Variants in RCC1L observed in about 807,000 individuals in gnomAD.
The protein encoded by RCC1L is RCC1-like G exchanging factor-like protein.
In RCC1L, 46 loss-of-function variants were observed where a neutral mutation model predicts 58.6. The ratio of observed to expected loss-of-function variants is 0.79; its 90% CI spans 0.62 to 1.00. RCC1L has a LOEUF of 1.00. Among genes scored for constraint, RCC1L ranks in the 50% least tolerant of loss-of-function variants. RCC1L has a pLI of 0.00. For missense variants in RCC1L, 636 were observed against 623.6 expected (o/e 1.02, Z -0.21); for synonymous variants, 281 against 262.9 (o/e 1.07, Z -0.67).
intron 6 of RCC1L, 145 bp from the exon 7 acceptor site, chr7:75,058,914 C>T (rs1034046776): frequency 9.2e-5 from 86 of 935,744 alleles, no homozygotes; most frequent in South Asian, 5.3e-4. Flanking sequence ...CAGTGGCTCA[C>T]GCCTGTAATC....
intron 10 of RCC1L, among the ~76,000 whole-genome samples, chr7:75,047,345 C>A (rs1805755820): frequency 6.6e-6 from 1 of 152,300 alleles, no homozygotes; most frequent in African/African-American, 2.4e-5. Context: ...TAGCTCACTG[C>A]AGCTTCCAAC....
chr7:75,061,348 C>G, intron 5 of RCC1L, 57 bp from the exon 6 acceptor site: 1 of 1,509,488 alleles, frequency 6.6e-7, no homozygotes, highest in Non-Finnish European at 9.2e-7. Context: ...CCCTGGTGTC[C>G]TCATCCAAAG....
Position 75,057,626 on chromosome 7 carries a change from A to G in RCC1L, c.970-10T>C. The stretch of plus-strand genomic sequence containing the variant: ...AGCGGGGCACATTCACCTGAACCAA[A>G]GAAAGGAGCCACACTGTTAGGAAAG... On this transcript the variant is annotated splice_polypyrimidine_tract_variant and intron_variant, in intron 7 of 10. Transcript: ENST00000610322. The G allele has an allele frequency of 1.2e-6, 2 of 1,613,812 alleles. No homozygotes were observed. The highest frequency in any genetic ancestry group is 3.3e-4 in the Middle Eastern group (2 of 6,056).
intron 9 of RCC1L, among the ~76,000 whole-genome samples, chr7:75,054,939 CCCAGG>C (rs1299833219): frequency 6.6e-6 from 1 of 152,212 alleles, no homozygotes; most frequent in Non-Finnish European, 1.5e-5. Flanking sequence ...GCCATAACAA[CCCAGG>C]CCTGCCTGTT....
At chr7:75,030,394 G>A (rs986394728) in intron 10 of RCC1L, among the ~76,000 whole-genome samples, 1 of 152,174 alleles carries the variant, frequency 6.6e-6, no homozygotes, top group Admixed American at 6.5e-5. Flanking sequence ...GGCAGGACTC[G>A]AATGCAGACC....
At chr7:75,037,958 G>A (rs1222643393), downstream of RCC1L, among the ~76,000 whole-genome samples, 3 of 152,202 alleles carry the variant, frequency 2.0e-5, no homozygotes, top group Admixed American at 6.5e-5. Flanking sequence ...TATCGGGGCT[G>A]GTGTTTAATG....
At chr7:75,064,685 G>T in intron 3 of RCC1L, 37 bp from the exon 4 acceptor site, 1 of 1,608,056 alleles carries the variant, frequency 6.2e-7, no homozygotes, top group Non-Finnish European at 8.5e-7. Flanking sequence ...AGTTCTGCAG[G>T]TTTGTGGGAT....
In RCC1L at chr7:75,073,439, G is replaced by T; in HGVS notation, c.299C>A (p.Pro100His). 1 of 1,345,334 alleles carries T rather than the reference G, an allele frequency of 7.4e-7. No individual in the cohort carries two copies. The highest frequency in any genetic ancestry group is 9.5e-7 in the Non-Finnish European group (1 of 1,047,136). The allele number at this position is 1,345,334 out of a possible 1,614,324, so 83.3% of individuals were successfully genotyped here. Residue 100 changes from proline to histidine, a missense_variant, in exon 1 of 11, where the codon CCC becomes CAC. By Grantham distance (77) the Pro-to-His change is moderately conservative. Transcript: ENST00000610322. ...ARPRRRIQPV[P>H]YRLELDQKIS... ...CTTTTGGTCCAGCTCCAGGCGATAG[G>T]GCACGGGCTGGATCCTGCGGCGCGG...
At chr7:75,064,751 C>A in intron 3 of RCC1L, 103 bp from the exon 4 acceptor site, 1 of 1,268,804 alleles carries the variant, frequency 7.9e-7, no homozygotes, top group Non-Finnish European at 1.2e-6. Context: ...TGGTTACTCA[C>A]CCCCACCCCC....
Position 75,043,113 on chromosome 7 carries a change from A to G in RCC1L, c.1318-4T>C. 6.2e-7 allele frequency: 1 copy of G among 1,613,998 alleles called. No homozygotes were observed. The highest frequency in any genetic ancestry group is 8.5e-7 in the Non-Finnish European group (1 of 1,179,862). On this transcript the variant is annotated splice_region_variant and splice_polypyrimidine_tract_variant and intron_variant, in intron 10 of 10. Coordinates refer to ENST00000610322, the MANE Select transcript of RCC1L (RefSeq NM_030798.5). ...CAGGCTCCCCAGGCATCGTCACCTG[A>G]AAAATAAGATCCAGCATACCATGGG... is the stretch of plus-strand genomic sequence containing the variant.
chr7:75,039,529 G>T (rs1234669177), downstream of RCC1L, among the ~76,000 whole-genome samples: 1 of 152,160 alleles, frequency 6.6e-6, no homozygotes, highest in Non-Finnish European at 1.5e-5. Context: ...TCTCTTCCCC[G>T]AAGAAATTAG....
At chr7:75,055,512 C>T (rs968132671) in intron 9 of RCC1L, 15 of 294,808 alleles carry the variant, frequency 5.1e-5, no homozygotes, top group Middle Eastern at 1.2e-3. Flanking sequence ...GGTCTGGGCT[C>T]GGCCAGGGAA....
In RCC1L at chr7:75,042,353, C is replaced by G; in HGVS notation, c.*679G>C. On this transcript the variant is annotated 3_prime_UTR_variant, in exon 11 of 11. Coordinates refer to ENST00000610322, the MANE Select transcript of RCC1L (RefSeq NM_030798.5). ...CCTTGGCGGATATGCTCGGGGCCCT[C>G]GGCGCAGAGGAACTTGGCCTCGATT... is the stretch of plus-strand genomic sequence containing the variant. 1.0e-6 allele frequency: 1 copy of G among 985,642 alleles called. No homozygotes were observed. The highest frequency in any genetic ancestry group is 1.2e-6 in the Non-Finnish European group (1 of 830,076). The allele number at this position is 985,642 out of a possible 1,614,324, so 61.1% of individuals were successfully genotyped here. A position where few individuals can be genotyped will look rare whatever the true frequency, so the allele number is the denominator to read the frequency against.
chr7:75,068,047 C>T (rs1339390225), intron 2 of RCC1L, among the ~76,000 whole-genome samples: 2 of 152,012 alleles, frequency 1.3e-5, no homozygotes, highest in Non-Finnish European at 2.9e-5. Context: ...GGGCCGGGCA[C>T]GGTGGGTCAC....
chr7:75,070,462 T>G (rs944140359), intron 2 of RCC1L, among the ~76,000 whole-genome samples, 178 bp downstream of exon 2: 7 of 151,906 alleles, frequency 4.6e-5, no homozygotes, highest in Non-Finnish European at 7.4e-5. Flanking sequence ...TCCCAGCTAC[T>G]CGGGAGGCTG....
At chr7:75,031,374 C>A (rs987324400) in intron 10 of RCC1L, among the ~76,000 whole-genome samples, 2 of 152,196 alleles carry the variant, frequency 1.3e-5, no homozygotes, top group Non-Finnish European at 2.9e-5. Flanking sequence ...TCCCTACCCC[C>A]CCGGGGCCCT....
At chr7:75,040,054 C>G (rs1043132447), downstream of RCC1L, among the ~76,000 whole-genome samples, 39 of 152,148 alleles carry the variant, frequency 2.6e-4, no homozygotes, top group Non-Finnish European at 5.1e-4. Flanking sequence ...TCGTGACCCA[C>G]AGAAGGCACA....
chr7:75,027,648 C>T (rs1383369498), exon 11 of RCC1L: 2 of 276,276 alleles, frequency 7.2e-6, no homozygotes, highest in African/African-American at 4.6e-5. Context: ...GGCTCTCCGC[C>T]CTGGCTGGCT....
At chr7:75,065,601 A>AC (rs1806443455) in intron 3 of RCC1L, among the ~76,000 whole-genome samples, 1 of 152,038 alleles carries the variant, frequency 6.6e-6, no homozygotes. Flanking sequence ...GATCACATTG[A>AC]CCTTTCCCTG....
Sources: gnomAD v4.1 joint callset for allele counts (sites outside exome capture counted in the v4.1 genomes callset) on GRCh38, gnomAD v4.1.1 for gene constraint, MANE v1.5 for transcripts, NCBI Gene and HGNC (gene_info 2026-07-23, HGNC 2026-07-21) for gene names.